CEP43: variants seen among roughly 807,000 people sequenced by gnomAD.
The protein encoded by CEP43 is centrosomal protein 43.
In CEP43, 36 loss-of-function variants were observed where a neutral mutation model predicts 52.6. The observed-to-expected ratio is 0.68, with a 90% CI of 0.52 to 0.90. The LOEUF is 0.90. Ranked by LOEUF, CEP43 falls within the 40% of genes least tolerant of loss-of-function variation. CEP43 has a pLI of 0.00. For missense variants in CEP43, 506 were observed against 472.8 expected (o/e 1.07, Z -0.65); for synonymous variants, 192 against 172.4 (o/e 1.11, Z -0.89).
intron 8 of CEP43, among the ~76,000 whole-genome samples, chr6:167,023,372 G>A (rs1176881326): frequency 6.6e-6 from 1 of 152,174 alleles, no homozygotes; most frequent in Admixed American, 6.5e-5. Context: ...GTAAGTGCTA[G>A]AGAAAAGTAA....
rs1212724011 is a variant in CEP43 at position 167,051,076 on chromosome 6, TG to T, written c.*11103del. 2 of 152,024 alleles carry T rather than the reference TG, an allele frequency of 1.3e-5. No individual in the cohort carries two copies. The highest frequency in any genetic ancestry group is 4.8e-5 in the African/African-American group (2 of 41,372). The allele number at this position is 152,024 out of a possible 1,614,324, so 9.4% of individuals were successfully genotyped here. ...CTTGTGTACTAAGTCAGCTTCTGGG[TG>T]GGGGCCAGAGGACCAGTTGAGCCAA... is the stretch of plus-strand genomic sequence containing the variant. On this transcript the variant is annotated 3_prime_UTR_variant, in exon 13 of 13. Transcript: ENST00000366847.
rs761221868 is a variant in CEP43, at chr6:167,022,500, C to G, written c.671C>G (p.Thr224Arg). Reference protein sequence around the residue: ...KSSLHLLSHETKIGSFLSNRT... With the variant: ...KSSLHLLSHERKIGSFLSNRT... ...AGCCTTCACTTACTGTCCCATGAAA[C>G]AAAAATTGGATCTTTTCTAAGCAAC... is the stretch of plus-strand genomic sequence containing the variant. Residue 224 changes from threonine to arginine, a missense_variant, in exon 8 of 13, where the codon ACA (threonine) becomes AGA (arginine). By Grantham distance (71) the Thr-to-Arg change is moderately conservative. Coordinates refer to ENST00000366847, the MANE Select transcript of CEP43 (RefSeq NM_007045.4). The G allele has an allele frequency of 9.9e-6, 16 of 1,613,990 alleles. No individual in the cohort carries two copies. Among genetic ancestry groups the G allele is most frequent in the African/African-American group, 1.3e-5 (1 of 75,014 alleles).
Position 167,027,118 on chromosome 6 carries a change from G to T in CEP43, c.988+503G>T, listed in dbSNP as rs145963480. Among the ~76,000 whole-genome samples, 17 of 152,318 alleles carry T rather than the reference G, an allele frequency of 1.1e-4. No individual in the cohort carries two copies. In the East Asian group the frequency reaches 3.3e-3, roughly 29 times the overall value. ...GGTAGTACATGGTCCAGGCCTCAGA[G>T]AATTCAGTCTAGTGGGGAAACAGAC... is the stretch of plus-strand genomic sequence containing the variant. On this transcript the variant is annotated intron_variant, in intron 10 of 12. Transcript: ENST00000366847.
In CEP43 at chr6:167,041,415, G is replaced by A. The variant is rs1239550575; in HGVS notation, c.*1437G>A. 8.5e-6 allele frequency: 9 copies of A among 1,060,712 alleles called. No homozygotes were observed. The highest frequency in any genetic ancestry group is 4.9e-5 in the African/African-American group (3 of 60,742). 65.7% of individuals were successfully genotyped at this position (1,060,712 alleles called of 1,614,324 possible). ...GGAGCCCTGTGTATTTCTGCCCTCC[G>A]TCTGTGAGCTGCTATCTCAGTCTCC... On this transcript the variant is annotated 3_prime_UTR_variant, in exon 13 of 13. Coordinates refer to ENST00000366847, the MANE Select transcript of CEP43 (RefSeq NM_007045.4).
intron 7 of CEP43, among the ~76,000 whole-genome samples, chr6:167,017,982 T>G (rs1390423671): frequency 1.3e-5 from 2 of 152,208 alleles, no homozygotes; most frequent in Admixed American, 1.3e-4. Context: ...ACACATGTGT[T>G]GTGTCACAGT....
intron 10 of CEP43, among the ~76,000 whole-genome samples, chr6:167,030,779 G>A (rs1375465225): frequency 1.3e-5 from 2 of 151,900 alleles, no homozygotes; most frequent in African/African-American, 2.4e-5. Context: ...TTCTTCTGGC[G>A]GTGGTACGAT....
At chr6:167,023,846 G>A (rs1051272948) in intron 8 of CEP43, among the ~76,000 whole-genome samples, 2 of 152,152 alleles carry the variant, frequency 1.3e-5, no homozygotes, top group South Asian at 2.1e-4. Context: ...ATGGGGGTGC[G>A]AGGCAGGTTA....
At position 167,019,280 on chromosome 6, in the gene CEP43, A is replaced by ACACCTGCTGTGCACACGCG. The variant is rs1562528053; in HGVS notation, c.580-3129_580-3128insCACCTGCTGTGCACACGCG. Among the ~76,000 whole-genome samples the ACACCTGCTGTGCACACGCG allele has an allele frequency of 4.8e-5, 7 of 146,904 alleles. No homozygotes were observed. The East Asian group carries it at 1.3e-3, about 27-fold the overall frequency. ...ACGCATACACCTGCTGTGCACACAC[A>ACACCTGCTGTGCACACGCG]TACACCTGCTGTGCACACGCGTACA... On this transcript the variant is annotated intron_variant, in intron 7 of 12. Transcript: ENST00000366847.
chr6:167,019,972 G>A (rs978914136), intron 7 of CEP43, among the ~76,000 whole-genome samples: 29 of 152,250 alleles, frequency 1.9e-4, no homozygotes, highest in African/African-American at 6.5e-4. Context: ...AGAATCTGTC[G>A]TGGCCACAGG....
rs981571228 is a variant in CEP43 at position 167,044,835 on chromosome 6, A to G, written c.*4857A>G. The stretch of plus-strand genomic sequence containing the variant: ...GGCCACTTCTCTGCCTCTTAGTTTA[A>G]CAGCAGCACTGGGCAAGGTTTGCCC... On this transcript the variant is annotated 3_prime_UTR_variant, in exon 13 of 13. Transcript: ENST00000366847. 1.3e-5 allele frequency: 2 copies of G among 152,424 alleles called. No homozygotes were observed. The highest frequency in any genetic ancestry group is 2.9e-5 in the Non-Finnish European group (2 of 68,234). 9.4% of individuals were successfully genotyped at this position (152,424 alleles called of 1,614,324 possible).
At chr6:166,999,954 C>T (rs1231403613) in intron 1 of CEP43, 106 bp from the exon 2 acceptor site, 1 of 901,844 alleles carries the variant, frequency 1.1e-6, no homozygotes, top group African/African-American at 1.7e-5. Context: ...TTTGCACCTG[C>T]CCTCCCAGCT....
intron 7 of CEP43, among the ~76,000 whole-genome samples, chr6:167,020,326 C>T (rs1187982770): frequency 1.3e-5 from 2 of 152,132 alleles, no homozygotes; most frequent in Non-Finnish European, 2.9e-5. Context: ...TATATCTTGC[C>T]TACTGTCAAC....
intron 12 of CEP43, among the ~76,000 whole-genome samples, chr6:167,038,053 A>G (rs1222552873): frequency 6.6e-6 from 1 of 152,156 alleles, no homozygotes; most frequent in Non-Finnish European, 1.5e-5. Context: ...GAGCCTGTAT[A>G]TTCACCCGTG....
rs772514895 is a variant in CEP43 at position 167,040,083 on chromosome 6, T to C, written c.*105T>C. The C allele has an allele frequency of 6.2e-7, 1 of 1,610,070 alleles. No individual in the cohort carries two copies. The highest frequency in any genetic ancestry group is 1.7e-5 in the Admixed American group (1 of 59,266). On this transcript the variant is annotated 3_prime_UTR_variant, in exon 13 of 13. Transcript: ENST00000366847. ...AGCTGGAATGTCTGCTCTCTATTGG[T>C]GCCTTGCATTTCAAAAACACTGCAG...
Position 167,033,907 on chromosome 6 carries a change from G to A in CEP43, c.1061G>A (p.Ser354Asn), listed in dbSNP as rs1237504948. ...CATCGCTCAGAGAAAAGTGAGATAA[G>A]TATTGGTGAAGAGATAGAAGAAGAC... ...TSHRSEKSEISIGEEIEEDLS... is the reference protein window; with the variant it reads ...TSHRSEKSEINIGEEIEEDLS... The change falls in exon 12 of 13, where the codon AGT (serine) becomes AAT (asparagine). Residue 354 changes from serine to asparagine, a missense_variant. Transcript: ENST00000366847. 24 of 1,598,936 alleles carry A rather than the reference G, an allele frequency of 1.5e-5. No individual in the cohort carries two copies. The highest frequency in any genetic ancestry group is 2.2e-5 in the East Asian group (1 of 44,602).
intron 12 of CEP43, chr6:167,036,855 T>G: frequency 2.9e-6 from 2 of 697,226 alleles, no homozygotes; most frequent in Non-Finnish European, 3.5e-6. Context: ...TTGCCTAGGC[T>G]GGAGTGCAAT....
At chr6:167,009,751 A>G (rs1779944023) in intron 5 of CEP43, among the ~76,000 whole-genome samples, 1 of 151,636 alleles carries the variant, frequency 6.6e-6, no homozygotes, top group African/African-American at 2.4e-5. Flanking sequence ...TGGGAGGATC[A>G]CTTGAATCTG....
At chr6:167,034,081 A>G (rs902438547) in intron 12 of CEP43, 110 bp downstream of exon 12, 1 of 459,778 alleles carries the variant, frequency 2.2e-6, no homozygotes, top group African/African-American at 2.0e-5. Flanking sequence ...GTTGAAAATT[A>G]TGAAAAGTCA....
chr6:167,036,115 G>A, intron 12 of CEP43: 1 of 985,338 alleles, frequency 1.0e-6, no homozygotes, highest in African/African-American at 1.7e-5. Flanking sequence ...ACAAACATAG[G>A]AAAATCAAGA....
Sources: gnomAD v4.1 joint callset for allele counts (sites outside exome capture counted in the v4.1 genomes callset) on GRCh38, gnomAD v4.1.1 for gene constraint, MANE v1.5 for transcripts, NCBI Gene and HGNC (gene_info 2026-07-23, HGNC 2026-07-21) for gene names.